Variants in PIEZO2 observed in about 807,000 individuals in gnomAD.
PIEZO2 encodes the protein piezo type mechanosensitive ion channel component 2, also known as piezo-type mechanosensitive ion channel component 2.
In PIEZO2, 172 loss-of-function variants were observed where a neutral mutation model predicts 337.3. The observed-to-expected ratio is 0.51, with a 90% CI of 0.45 to 0.58. PIEZO2 has a LOEUF of 0.58. Ranked by LOEUF, PIEZO2 falls within the 20% of genes least tolerant of loss-of-function variation. The pLI is 0.00. For missense variants in PIEZO2, 3,028 were observed against 3,391.3 expected (o/e 0.89, Z 2.66); for synonymous variants, 1,251 against 1,228.5 (o/e 1.02, Z -0.38).
intron 28 of PIEZO2, among the ~76,000 whole-genome samples, chr18:10,751,596 G>T (rs917428842): frequency 1.3e-4 from 11 of 86,222 alleles, no homozygotes; most frequent in South Asian, 2.8e-4. Context: ...TAGACACAGT[G>T]ATACACGTGC....
In PIEZO2 at chr18:10,750,218, A is replaced by G. The variant is rs1461709947; in HGVS notation, c.4168-31T>C. On this transcript the variant is annotated intron_variant, in intron 28 of 55. Transcript: ENST00000674853. The surrounding 1 kb of genome is among the most constrained non-coding windows in gnomAD (Gnocchi z 4.1). Reference sequence around the variant, plus strand: ...AAACAAAAGAGGGGGATAATCCTGAAGCTCTGCAGCCAGAAAAAAAAGTGG... The same window carrying G: ...AAACAAAAGAGGGGGATAATCCTGAGGCTCTGCAGCCAGAAAAAAAAGTGG... 1 of 1,472,454 alleles carries G rather than the reference A, an allele frequency of 6.8e-7. No homozygotes were observed. Among genetic ancestry groups the G allele is most frequent in the East Asian group, 2.5e-5 (1 of 40,554 alleles). The allele number at this position is 1,472,454 out of a possible 1,614,324, so 91.2% of individuals were successfully genotyped here.
Position 10,726,866 on chromosome 18 carries a change from G to A in PIEZO2, c.5029+4541C>T, listed in dbSNP as rs563831566. On this transcript the variant is annotated intron_variant, in intron 36 of 55. Coordinates refer to ENST00000674853, the MANE Select transcript of PIEZO2 (RefSeq NM_001378183.1). This position sits in a 1 kb window ranked among gnomAD's most constrained non-coding sequence, Gnocchi z 5.9. ...CTTATGCAGGACTTGGCACGCTACCGGCAGCAGCTGAAGCACATCATGGCC... is the reference window on the plus strand; with the variant it reads ...CTTATGCAGGACTTGGCACGCTACCAGCAGCAGCTGAAGCACATCATGGCC... 39 of 1,597,786 alleles carry A rather than the reference G, an allele frequency of 2.4e-5. No homozygotes were observed. The Admixed American group carries it at 3.2e-4, about 13-fold the overall frequency.
chr18:10,763,164 C>T, intron 21 of PIEZO2, 66 bp from the exon 22 acceptor site: 2 of 1,458,184 alleles, frequency 1.4e-6, no homozygotes, highest in South Asian at 1.3e-5. Context: ...AGGACAGCCA[C>T]AAAACAGGAT....
chr18:11,118,302 G>C (rs568883590), intron 1 of PIEZO2, among the ~76,000 whole-genome samples: 17 of 152,268 alleles, frequency 1.1e-4, no homozygotes, highest in South Asian at 4.1e-4. Context: ...AGGGGCCCTG[G>C]GGGTACAGGT....
intron 7 of PIEZO2, among the ~76,000 whole-genome samples, chr18:10,825,453 T>C (rs768290040): frequency 1.8e-4 from 28 of 152,114 alleles, no homozygotes; most frequent in Non-Finnish European, 3.8e-4. Context: ...ACATGACTTA[T>C]ACCTGATGAT....
At position 10,759,507 on chromosome 18, in the gene PIEZO2, C is replaced by T. The variant is rs765091918; in HGVS notation, c.3732G>A (p.Val1244=). 11 of 1,537,008 alleles carry T rather than the reference C, an allele frequency of 7.2e-6. No individual in the cohort carries two copies. The African/African-American group carries it at 1.2e-4, about 17-fold the overall frequency. Residue 1244 remains valine (V), a synonymous_variant, in exon 26 of 56, where the codon GTG becomes GTA. Transcript: ENST00000674853. This position sits in a 1 kb window ranked among gnomAD's most constrained non-coding sequence, Gnocchi z 5.5. ...AGACGAGAAACACAGGGTTGGGCCG[C>T]ACAATGAAATCTGGGAAGTACAGCC... The part of the protein sequence containing the change: ...IKWLYFPDFI[V]RPNPVFLVYD...
At chr18:10,990,113 TA>T (rs917088670) in intron 2 of PIEZO2, among the ~76,000 whole-genome samples, 4 of 152,128 alleles carry the variant, frequency 2.6e-5, no homozygotes, top group African/African-American at 7.2e-5. Flanking sequence ...TTTTAACAAT[TA>T]GATGCATTAA....
intron 7 of PIEZO2, among the ~76,000 whole-genome samples, chr18:10,848,491 TA>T (rs1396189209): frequency 6.6e-6 from 1 of 152,160 alleles, no homozygotes; most frequent in Non-Finnish European, 1.5e-5. Flanking sequence ...AAGTAGATGA[TA>T]AAAAAGGGTA....
chr18:11,055,103 C>T (rs368555544), intron 2 of PIEZO2, among the ~76,000 whole-genome samples: 12 of 146,198 alleles, frequency 8.2e-5, no homozygotes, highest in African/African-American at 3.1e-4. Context: ...CCCAGCTACT[C>T]GGGAGGCTGA....
chr18:11,114,668 C>CAA (rs35996894), intron 1 of PIEZO2, among the ~76,000 whole-genome samples: 36 of 144,184 alleles, frequency 2.5e-4, no homozygotes, highest in African/African-American at 9.4e-4. Context: ...CTGTCTTAAA[C>CAA]AAAAAAAAAA....
chr18:11,108,989 G>GC (rs2039654328), intron 1 of PIEZO2, among the ~76,000 whole-genome samples: 1 of 152,206 alleles, frequency 6.6e-6, no homozygotes, highest in South Asian at 2.1e-4. Context: ...GGCAGAACTT[G>GC]CCCCCTGTCA....
At chr18:11,121,327 G>A (rs937678365) in intron 1 of PIEZO2, among the ~76,000 whole-genome samples, 1 of 151,416 alleles carries the variant, frequency 6.6e-6, no homozygotes, top group African/African-American at 2.4e-5. Flanking sequence ...GGTCAAGGCA[G>A]GAGAATCACT....
intron 30 of PIEZO2, among the ~76,000 whole-genome samples, chr18:10,747,238 T>C (rs1019848455): frequency 5.9e-5 from 9 of 152,090 alleles, no homozygotes; most frequent in South Asian, 4.1e-4. Context: ...GTTTGAGAGA[T>C]GGGCAAAGAA....
At position 11,127,923 on chromosome 18, in the gene PIEZO2, G is replaced by A. The variant is rs527321049; in HGVS notation, c.64+20602C>T. On this transcript the variant is annotated intron_variant, in intron 1 of 55. Transcript: ENST00000674853. This position sits in a 1 kb window ranked among gnomAD's most constrained non-coding sequence, Gnocchi z 4.5. ...AGAATATTAAGGATGGAGTTCTTTC[G>A]TTGGTTTTGGGGTTTCTGGAGTTGG... Among the ~76,000 whole-genome samples, 9 of 151,608 alleles carry A rather than the reference G, an allele frequency of 5.9e-5. No individual in the cohort carries two copies. The highest frequency in any genetic ancestry group is 2.1e-4 in the South Asian group (1 of 4,786).
At position 10,775,859 on chromosome 18, in the gene PIEZO2, A is replaced by C. The variant is rs2038765966; in HGVS notation, c.2535-1821T>G. Among the ~76,000 whole-genome samples, 2 of 152,148 alleles carry C rather than the reference A, an allele frequency of 1.3e-5. No homozygotes were observed. Among genetic ancestry groups the C allele is most frequent in the African/African-American group, 4.8e-5 (2 of 41,440 alleles). Reference sequence around the variant, plus strand: ...CATTCCCTCTGACCTTAGAGCCACAAACTCCAGACCCTCTCTGGAGCAGTC... The same window carrying C: ...CATTCCCTCTGACCTTAGAGCCACACACTCCAGACCCTCTCTGGAGCAGTC... On this transcript the variant is annotated intron_variant, in intron 18 of 55. Transcript: ENST00000674853. This position sits in a 1 kb window ranked among gnomAD's most constrained non-coding sequence, Gnocchi z 4.3.
At chr18:10,840,233 T>C (rs2041149597) in intron 7 of PIEZO2, among the ~76,000 whole-genome samples, 1 of 152,250 alleles carries the variant, frequency 6.6e-6, no homozygotes. Flanking sequence ...TAAATGCATG[T>C]TATTAATTTG....
intron 1 of PIEZO2, among the ~76,000 whole-genome samples, chr18:11,087,324 C>T (rs2038945604): frequency 6.6e-6 from 1 of 152,190 alleles, no homozygotes; most frequent in African/African-American, 2.4e-5. Flanking sequence ...TCATTTTCAT[C>T]CCTGCACACT....
At position 10,794,763 on chromosome 18, in the gene PIEZO2, T is replaced by A; in HGVS notation, c.1758+9A>T. Reference sequence around the variant, plus strand: ...CATTGTTTTGTTTTATTGTATTCTATTCACTTACTTTGGAAGCAAGTTCTC... The same window carrying A: ...CATTGTTTTGTTTTATTGTATTCTAATCACTTACTTTGGAAGCAAGTTCTC... On this transcript the variant is annotated intron_variant, in intron 13 of 55. Coordinates refer to ENST00000674853, the MANE Select transcript of PIEZO2 (RefSeq NM_001378183.1). This position sits in a 1 kb window ranked among gnomAD's most constrained non-coding sequence, Gnocchi z 6.6. 1 of 1,497,402 alleles carries A rather than the reference T, an allele frequency of 6.7e-7. No individual in the cohort carries two copies. Among genetic ancestry groups the A allele is most frequent in the Non-Finnish European group, 9.0e-7 (1 of 1,115,088 alleles). 92.8% of individuals were successfully genotyped at this position (1,497,402 alleles called of 1,614,324 possible).
chr18:11,017,463 T>G (rs532123063), intron 2 of PIEZO2, among the ~76,000 whole-genome samples: 1 of 148,974 alleles, frequency 6.7e-6, no homozygotes, highest in African/African-American at 2.5e-5. Flanking sequence ...ATGCCTTTTT[T>G]TTTTGAGATG....
Sources: gnomAD v4.1 joint callset for allele counts (sites outside exome capture counted in the v4.1 genomes callset) on GRCh38, gnomAD v4.1.1 for gene constraint, Gnocchi (gnomAD v3.1) non-coding constraint, MANE v1.5 for transcripts, NCBI Gene and HGNC (gene_info 2026-07-23, HGNC 2026-07-21) for gene names.